RAB5A: variants seen among roughly 807,000 people sequenced by gnomAD.
RAB5A encodes the protein ras-related protein Rab-5A.
In RAB5A, 8 loss-of-function variants were observed where a neutral mutation model predicts 25.7. That is an observed-to-expected ratio of 0.31 (90% CI 0.18 to 0.56). The LOEUF is 0.56. Among genes scored for constraint, RAB5A ranks in the 20% least tolerant of loss-of-function variants. The probability of loss-of-function intolerance (pLI) is 0.91; values close to 1 mark genes in which losing one functional copy is unlikely to be tolerated. For missense variants in RAB5A, 192 were observed against 259.7 expected, an observed-to-expected ratio of 0.74 and a Z score of 1.79; for synonymous variants, 98 against 89.8, an observed-to-expected ratio of 1.09 and a Z score of -0.52.
intron 2 of RAB5A, among the ~76,000 whole-genome samples, chr3:19,953,228 AC>A (rs1415550874): frequency 6.6e-6 from 1 of 152,096 alleles, no homozygotes; most frequent in East Asian, 1.9e-4. Flanking sequence ...GAAAAATGTA[AC>A]CCCATATCCT....
chr3:19,977,836 A>G (rs753278491), intron 4 of RAB5A, among the ~76,000 whole-genome samples: 1 of 152,246 alleles, frequency 6.6e-6, no homozygotes, highest in African/African-American at 2.4e-5. Context: ...GGAATGATTT[A>G]TGATATATTC....
At chr3:19,978,445 A>G (rs770117662) in intron 5 of RAB5A, 42 bp downstream of exon 5, 3 of 1,426,024 alleles carry the variant, frequency 2.1e-6, no homozygotes, top group Non-Finnish European at 2.9e-6. Context: ...TATAAGCAAA[A>G]CAAGTGTGAA....
chr3:19,963,755 C>T (rs1005335211), intron 2 of RAB5A, among the ~76,000 whole-genome samples: 3 of 152,034 alleles, frequency 2.0e-5, no homozygotes, highest in African/African-American at 7.3e-5. Context: ...AATGATCCTC[C>T]CACCTCACCC....
At chr3:19,958,704 C>A (rs191369140) in intron 2 of RAB5A, among the ~76,000 whole-genome samples, 1 of 152,198 alleles carries the variant, frequency 6.6e-6, no homozygotes, top group East Asian at 1.9e-4. Flanking sequence ...ACTAGTGGGG[C>A]GTGGTGTCAT....
In RAB5A at chr3:19,984,243, T is replaced by C. The variant is rs1428931387; in HGVS notation, c.*420T>C. The C allele has an allele frequency of 1.2e-5, 5 of 426,270 alleles. No homozygotes were observed. The highest frequency in any genetic ancestry group is 2.3e-5 in the Non-Finnish European group (5 of 219,756). The allele number at this position is 426,270 out of a possible 1,614,324, so 26.4% of individuals were successfully genotyped here. A position where few individuals can be genotyped will look rare whatever the true frequency, so the allele number is the denominator to read the frequency against. On this transcript the variant is annotated 3_prime_UTR_variant, in exon 6 of 6. Transcript: ENST00000273047. ...CTTTGTTTAGAAGGAGATTCTAAAGTTATTTATGATGCTTAGCCATAGTAT... is the reference window on the plus strand; with the variant it reads ...CTTTGTTTAGAAGGAGATTCTAAAGCTATTTATGATGCTTAGCCATAGTAT...
intron 1 of RAB5A, chr3:19,947,743 C>CT (rs1371611123): frequency 6.6e-6 from 1 of 152,370 alleles, no homozygotes; most frequent in Non-Finnish European, 1.5e-5. Context: ...TGGGGACTGA[C>CT]TGAGGGAGCG....
At chr3:19,982,431 T>C (rs1486445927) in intron 5 of RAB5A, among the ~76,000 whole-genome samples, 9 of 152,256 alleles carry the variant, frequency 5.9e-5, no homozygotes, top group Non-Finnish European at 2.9e-5. Context: ...ACTTGGGTGT[T>C]ATCTGTCCTT....
intron 2 of RAB5A, among the ~76,000 whole-genome samples, chr3:19,961,253 A>G (rs1227660143): frequency 6.6e-6 from 1 of 152,226 alleles, no homozygotes; most frequent in Admixed American, 6.5e-5. Flanking sequence ...TTTATAGACA[A>G]GGAAACTGAA....
chr3:19,950,788 A>G lies in RAB5A; in HGVS notation c.-93-18A>G, dbSNP rs1272074275. On this transcript the variant is annotated intron_variant, in intron 1 of 5. Transcript: ENST00000273047. ...CTTTACTGATTTGTATATTTAATTC[A>G]TAATTGTTTCTTTACAGGTTTCTTT... 9.4e-7 allele frequency: 1 copy of G among 1,066,574 alleles called. No individual in the cohort carries two copies. Among genetic ancestry groups the G allele is most frequent in the Non-Finnish European group, 1.3e-6 (1 of 758,888 alleles). 66.1% of individuals were successfully genotyped at this position (1,066,574 alleles called of 1,614,324 possible). A position where few individuals can be genotyped will look rare whatever the true frequency, so the allele number is the denominator to read the frequency against.
intron 2 of RAB5A, among the ~76,000 whole-genome samples, chr3:19,967,425 A>G (rs1313408811): frequency 6.6e-6 from 1 of 152,168 alleles, no homozygotes; most frequent in East Asian, 1.9e-4. Flanking sequence ...GATTATAGGC[A>G]TGAGCCATTG....
chr3:19,951,320 C>A lies in RAB5A; in HGVS notation c.163+259C>A, dbSNP rs116804152. On this transcript the variant is annotated intron_variant, in intron 2 of 5. Coordinates refer to ENST00000273047, the MANE Select transcript of RAB5A (RefSeq NM_004162.5). ...AAAAACATGAGTAGAATCAGTGTCT[C>A]AAGTAATAACATTTGACCTGATACC... 9.6e-3 allele frequency: 3,226 copies of A among 337,794 alleles called. 23 individuals carry two copies. The highest frequency in any genetic ancestry group is 0.012 in the Non-Finnish European group (2,186 of 183,342). 20.9% of individuals were successfully genotyped at this position (337,794 alleles called of 1,614,324 possible).
At chr3:19,979,373 T>C (rs1374748611) in intron 5 of RAB5A, among the ~76,000 whole-genome samples, 1 of 151,128 alleles carries the variant, frequency 6.6e-6, no homozygotes, top group Non-Finnish European at 1.5e-5. Context: ...AAGCTCCGCC[T>C]CCTGGATTCA....
Position 19,975,683 on chromosome 3 carries a change from C to T in RAB5A, c.246C>T (p.Tyr82=). The T allele has an allele frequency of 6.2e-7, 1 of 1,613,668 alleles. No homozygotes were observed. The highest frequency in any genetic ancestry group is 1.1e-5 in the South Asian group (1 of 91,070). The change falls in exon 3 of 6, where the codon TAC becomes TAT. Residue 82 remains tyrosine (Y), a synonymous_variant. Transcript: ENST00000273047. ...EIWDTAGQER[Y]HSLAPMYYRG... The stretch of plus-strand genomic sequence containing the variant: ...GGGATACAGCTGGTCAAGAACGATA[C>T]CATAGCCTAGCACCAATGTACTACA...
At chr3:19,963,105 A>G (rs1393911743) in intron 2 of RAB5A, among the ~76,000 whole-genome samples, 3 of 152,150 alleles carry the variant, frequency 2.0e-5, no homozygotes, top group African/African-American at 4.8e-5. Flanking sequence ...CACCATGCCC[A>G]GCCTGTGTTT....
chr3:19,975,550 T>C, intron 2 of RAB5A, 51 bp from the exon 3 acceptor site: 1 of 1,563,822 alleles, frequency 6.4e-7, no homozygotes, highest in African/African-American at 1.4e-5. Flanking sequence ...TTCTATATTA[T>C]GAAAACATTT....
At chr3:19,982,063 A>G (rs1007933395) in intron 5 of RAB5A, among the ~76,000 whole-genome samples, 31 of 151,700 alleles carry the variant, frequency 2.0e-4, no homozygotes, top group African/African-American at 7.3e-4. Flanking sequence ...GCAACAGAGC[A>G]AGACCCTATC....
intron 2 of RAB5A, among the ~76,000 whole-genome samples, chr3:19,965,143 C>A (rs1349960781): frequency 1.3e-5 from 2 of 152,004 alleles, no homozygotes; most frequent in Admixed American, 6.6e-5. Flanking sequence ...GCTGGTCTCG[C>A]ACTCCTGACC....
intron 2 of RAB5A, among the ~76,000 whole-genome samples, chr3:19,961,695 C>T (rs1422174437): frequency 6.6e-6 from 1 of 152,108 alleles, no homozygotes. Context: ...ATAAGGTTTA[C>T]AGTGAAAAAT....
chr3:19,971,274 T>C (rs1696747776), intron 2 of RAB5A, among the ~76,000 whole-genome samples: 1 of 151,768 alleles, frequency 6.6e-6, no homozygotes, highest in African/African-American at 2.4e-5. Flanking sequence ...TCTTAGGGTG[T>C]ATTATGTATA....
Sources: allele counts gnomAD v4.1 joint callset (sites outside exome capture counted in the v4.1 genomes callset), GRCh38; gene constraint gnomAD v4.1.1; transcripts MANE v1.5; gene names NCBI Gene and HGNC (gene_info 2026-07-23, HGNC 2026-07-21).